The following KLF12 variants were observed in gnomAD, a reference collection of about 807,000 sequenced individuals.
KLF12 encodes Krueppel-like factor 12.
A neutral mutation model predicts 37.8 loss-of-function variants in KLF12; 9 were observed. The ratio of observed to expected loss-of-function variants is 0.24; its 90% confidence interval spans 0.14 to 0.42. KLF12 has a LOEUF of 0.42. KLF12 is among the 10% of genes least tolerant of loss of function. The pLI, the probability that KLF12 is intolerant of heterozygous loss-of-function variation, is 1.00. For missense variants in KLF12, 411 were observed against 516.0 expected, an observed-to-expected ratio of 0.80 and a Z score of 1.97; for synonymous variants, 208 against 202.1, an observed-to-expected ratio of 1.03 and a Z score of -0.25.
At chr13:74,093,068 C>T (rs952283122) in intron 1 of KLF12, among the ~76,000 whole-genome samples, 4 of 152,214 alleles carry the variant, frequency 2.6e-5, no homozygotes, top group African/African-American at 9.6e-5. Flanking sequence ...TCCTTGATGG[C>T]ACTGTTGAGA....
intron 1 of KLF12, among the ~76,000 whole-genome samples, chr13:74,039,488 C>A (rs113656122): frequency 2.0e-4 from 31 of 152,120 alleles, no homozygotes; most frequent in African/African-American, 6.7e-4. Context: ...CAGTCTCACA[C>A]CACCATACTC....
At chr13:73,743,617 T>C (rs1264641762) in intron 6 of KLF12, among the ~76,000 whole-genome samples, 3 of 152,196 alleles carry the variant, frequency 2.0e-5, no homozygotes, top group African/African-American at 4.8e-5. Context: ...TCTTTCAAAA[T>C]GGCTCCTAGA....
chr13:73,723,691 T>G (rs562853159), intron 6 of KLF12, among the ~76,000 whole-genome samples: 3 of 152,188 alleles, frequency 2.0e-5, no homozygotes, highest in African/African-American at 7.2e-5. Context: ...TCATGCTAAA[T>G]TTTAAAAATA....
At chr13:73,985,279 G>A (rs1251709127) in intron 2 of KLF12, among the ~76,000 whole-genome samples, 8 of 152,210 alleles carry the variant, frequency 5.3e-5, no homozygotes, top group African/African-American at 1.9e-4. Context: ...TTTGCTTTAA[G>A]CCACTAACCT....
At chr13:73,875,396 T>C (rs900992758) in intron 3 of KLF12, among the ~76,000 whole-genome samples, 8 of 152,146 alleles carry the variant, frequency 5.3e-5, no homozygotes, top group Admixed American at 2.6e-4. Context: ...CTTAGAAAAA[T>C]GTCAAATCTC....
the KLF12 span, among the ~76,000 whole-genome samples, chr13:74,149,030 G>C: frequency 3.4e-4 from 51 of 152,236 alleles, no homozygotes; most frequent in African/African-American, 1.2e-3. Flanking sequence ...GGCCAGGCTT[G>C]TCTTGAACCC....
At chr13:74,222,125 C>T in the KLF12 span, among the ~76,000 whole-genome samples, 2 of 152,274 alleles carry the variant, frequency 1.3e-5, no homozygotes, top group African/African-American at 2.4e-5. Flanking sequence ...GAATTTGACC[C>T]TCACGTTCTC....
At chr13:74,177,723 G>A in the KLF12 span, among the ~76,000 whole-genome samples, 2 of 152,214 alleles carry the variant, frequency 1.3e-5, no homozygotes, top group Non-Finnish European at 2.9e-5. Flanking sequence ...GAAGGCCACA[G>A]TGGTGCCGAT....
At chr13:73,705,521 C>A (rs1033816856) in intron 7 of KLF12, among the ~76,000 whole-genome samples, 1 of 152,210 alleles carries the variant, frequency 6.6e-6, no homozygotes, top group Non-Finnish European at 1.5e-5. Context: ...GATCCTCCCA[C>A]GTCAGCCTCC....
rs1873531347 is a variant in KLF12, at chr13:73,686,997, A to G, written c.*8493T>C. 6.6e-6 allele frequency: 1 copy of G among 152,476 alleles called. No homozygotes were observed. Among genetic ancestry groups the G allele is most frequent in the South Asian group, 2.1e-4 (1 of 4,816 alleles). 9.4% of individuals were successfully genotyped at this position (152,476 alleles called of 1,614,324 possible). A position where few individuals can be genotyped will look rare whatever the true frequency, so the allele number is the denominator to read the frequency against. The stretch of plus-strand genomic sequence containing the variant: ...TCAAAAGAACATGACGTTAGAATTG[A>G]CCCCCACACACCAAGAACAACGTCT... On this transcript the variant is annotated 3_prime_UTR_variant, in exon 8 of 8. Transcript: ENST00000377669.
At chr13:73,951,407 C>T (rs77355069) in intron 2 of KLF12, among the ~76,000 whole-genome samples, 2,330 of 152,224 alleles carry the variant, frequency 0.015, 49 homozygotes, top group African/African-American at 0.053. Flanking sequence ...ATTATATAAT[C>T]TGTCCAAGAT....
At chr13:74,053,713 T>C (rs1566520439) in intron 1 of KLF12, among the ~76,000 whole-genome samples, 1 of 152,168 alleles carries the variant, frequency 6.6e-6, no homozygotes, top group Non-Finnish European at 1.5e-5. Context: ...AAGTATAGAA[T>C]GAATGGTTGC....
chr13:74,160,290 A>G, the KLF12 span, among the ~76,000 whole-genome samples: 2 of 152,336 alleles, frequency 1.3e-5, no homozygotes, highest in Admixed American at 6.5e-5. Context: ...TGGAGACCTC[A>G]TTGATACACT....
intron 1 of KLF12, among the ~76,000 whole-genome samples, chr13:74,009,363 C>T (rs1288562578): frequency 3.3e-5 from 5 of 152,156 alleles, no homozygotes; most frequent in East Asian, 3.9e-4. Flanking sequence ...GTAATCTTCA[C>T]GGTAACCTTG....
At chr13:73,838,378 G>A (rs1001574919) in intron 4 of KLF12, among the ~76,000 whole-genome samples, 1 of 152,078 alleles carries the variant, frequency 6.6e-6, no homozygotes, top group African/African-American at 2.4e-5. Context: ...ATTTTTGGAG[G>A]ATTCTTCACC....
chr13:74,270,960 G>T, the KLF12 span, among the ~76,000 whole-genome samples: 1 of 152,116 alleles, frequency 6.6e-6, no homozygotes, highest in African/African-American at 2.4e-5. Flanking sequence ...CCCCAGGCTG[G>T]TACCGGTTCA....
the KLF12 span, among the ~76,000 whole-genome samples, chr13:74,275,872 T>TTCA: frequency 3.0e-5 from 3 of 100,492 alleles, no homozygotes; most frequent in African/African-American, 1.2e-4. Context: ...CTTTCTATCT[T>TTCA]TCTTTCTTCT....
intron 1 of KLF12, among the ~76,000 whole-genome samples, chr13:74,058,988 T>C (rs1287040223): frequency 6.6e-6 from 1 of 152,252 alleles, no homozygotes; most frequent in African/African-American, 2.4e-5. Context: ...TGTCTATTGT[T>C]TATGACTATG....
intron 2 of KLF12, among the ~76,000 whole-genome samples, chr13:73,955,618 C>T (rs1890807898): frequency 6.6e-6 from 1 of 152,144 alleles, no homozygotes; most frequent in Non-Finnish European, 1.5e-5. Context: ...CTATATTTGA[C>T]ATAGTGCTAA....
Sources: allele counts gnomAD v4.1 joint callset (sites outside exome capture counted in the v4.1 genomes callset), GRCh38; gene constraint gnomAD v4.1.1; transcripts MANE v1.5; gene names NCBI Gene and HGNC (gene_info 2026-07-23, HGNC 2026-07-21).